HTR6: variants seen among roughly 807,000 people sequenced by gnomAD.
HTR6 encodes 5-hydroxytryptamine receptor 6.
Under a neutral mutation model 17.4 loss-of-function variants are expected in HTR6, and 15 were observed. That is an observed-to-expected ratio of 0.86 (90% CI 0.58 to 1.33). The LOEUF (loss-of-function observed/expected upper bound fraction) is 1.33, where lower values mean the gene tolerates loss of function less well. Among genes scored for constraint, HTR6 ranks in the 40% most tolerant of loss-of-function variants. The probability of loss-of-function intolerance (pLI) is 0.00; values close to 1 mark genes in which losing one functional copy is unlikely to be tolerated. For synonymous variants in HTR6, 326 were observed against 295.5 expected (o/e 1.10, Z -1.06); for missense variants, 578 against 616.0 (o/e 0.94, Z 0.65).
In HTR6 at chr1:19,666,014, G is replaced by T. The variant is rs1431728245; in HGVS notation, c.261G>T (p.Ala87=). Residue 87 remains alanine, a synonymous_variant, in exon 1 of 3, where the codon GCG becomes GCT. Coordinates refer to ENST00000289753, the MANE Select transcript of HTR6 (RefSeq NM_000871.3). This position sits in a 1 kb window ranked among gnomAD's most constrained non-coding sequence, Gnocchi z 4.5. ...TGATGCCGCCGGCCATGCTGAACGC[G>T]CTGTACGGGCGCTGGGTGCTGGCGC... ...LVVMPPAMLN[A]LYGRWVLARG... 2 of 1,613,848 alleles carry T rather than the reference G, an allele frequency of 1.2e-6. No individual in the cohort carries two copies. Among genetic ancestry groups the T allele is most frequent in the Non-Finnish European group, 1.7e-6 (2 of 1,179,904 alleles).
rs189277768 is a variant in HTR6, at chr1:19,670,897, C to T, written c.714+4430C>T. On this transcript the variant is annotated intron_variant, in intron 1 of 2. Coordinates refer to ENST00000289753, the MANE Select transcript of HTR6 (RefSeq NM_000871.3). ...GCCTGGTATTCCAGCCCTGTTTGTG[C>T]GGTTGCCTGTTTTCTCATGCCTTTC... Among the ~76,000 whole-genome samples the T allele has an allele frequency of 1.1e-4, 17 of 152,246 alleles. 2 individuals carry two copies. The highest frequency in any genetic ancestry group is 3.4e-4 in the African/African-American group (14 of 41,540).
intron 2 of HTR6, 61 bp downstream of exon 2, chr1:19,678,786 C>T (rs1472399285): frequency 6.4e-7 from 1 of 1,572,904 alleles, no homozygotes; most frequent in East Asian, 2.3e-5. Context: ...TGGATCCCAG[C>T]CCAGGCATGG....
At chr1:19,669,079 A>G (rs1185481550) in intron 1 of HTR6, among the ~76,000 whole-genome samples, 2 of 152,112 alleles carry the variant, frequency 1.3e-5, no homozygotes, top group African/African-American at 4.8e-5. Context: ...GTGTCCCTTT[A>G]CCATCTAAAA....
Position 19,666,255 on chromosome 1 carries a change from G to T in HTR6, c.502G>T (p.Glu168Ter). Reference sequence around the variant, plus strand: ...CCTGCCCCTGCTGCTGGGCTGGCACGAGCTGGGCCACGCACGGCCACCCGT... The same window carrying T: ...CCTGCCCCTGCTGCTGGGCTGGCACTAGCTGGGCCACGCACGGCCACCCGT... Reference protein sequence around the residue: ...SFLPLLLGWHELGHARPPVPG... With the variant: ...SFLPLLLGWH Residue 168 changes from glutamate to a stop codon, truncating the protein, a stop_gained, in exon 1 of 3, where the codon GAG becomes TAG. Coordinates refer to ENST00000289753, the MANE Select transcript of HTR6 (RefSeq NM_000871.3). LOFTEE classifies it high-confidence loss of function. The surrounding 1 kb of genome is among the most constrained non-coding windows in gnomAD (Gnocchi z 4.5). 1 of 1,609,486 alleles carries T rather than the reference G, an allele frequency of 6.2e-7. No individual in the cohort carries two copies. The highest frequency in any genetic ancestry group is 1.1e-5 in the South Asian group (1 of 91,008).
chr1:19,673,925 G>T (rs1303506840), intron 1 of HTR6, among the ~76,000 whole-genome samples: 1 of 148,894 alleles, frequency 6.7e-6, no homozygotes, highest in African/African-American at 2.5e-5. Flanking sequence ...GGAGTGCAGT[G>T]GTACAACCAC....
chr1:19,666,567 T>C lies in HTR6; in HGVS notation c.714+100T>C, dbSNP rs1047172717. The C allele has an allele frequency of 1.2e-6, 1 of 836,578 alleles. No individual in the cohort carries two copies. The highest frequency in any genetic ancestry group is 1.7e-5 in the African/African-American group (1 of 58,334). 51.8% of individuals were successfully genotyped at this position (836,578 alleles called of 1,614,324 possible). On this transcript the variant is annotated intron_variant, in intron 1 of 2. Transcript: ENST00000289753. The surrounding 1 kb of genome is among the most constrained non-coding windows in gnomAD (Gnocchi z 4.5). ...TCCCCACTTAGCACACATTTGCTCA[T>C]GGCCCTGCGTGGCTGTTGTGAGCGC...
At chr1:19,668,079 C>A (rs1332044523) in intron 1 of HTR6, among the ~76,000 whole-genome samples, 1 of 152,232 alleles carries the variant, frequency 6.6e-6, no homozygotes, top group Non-Finnish European at 1.5e-5. Context: ...GGGGTGGGGG[C>A]AGGGCCCCAC....
chr1:19,679,561 G>C lies in HTR6; in HGVS notation c.*193G>C, dbSNP rs977338172. 2.6e-6 allele frequency: 2 copies of C among 765,164 alleles called. No homozygotes were observed. The highest frequency in any genetic ancestry group is 4.0e-6 in the Non-Finnish European group (2 of 499,304). The allele number at this position is 765,164 out of a possible 1,614,324, so 47.4% of individuals were successfully genotyped here. ...ACCTGCAGGGATCATAGCTGACTCA[G>C]ATATCGTGTTCTGAAGGATGCTCCA... is the stretch of plus-strand genomic sequence containing the variant. On this transcript the variant is annotated 3_prime_UTR_variant, in exon 3 of 3. Coordinates refer to ENST00000289753, the MANE Select transcript of HTR6 (RefSeq NM_000871.3). This position sits in a 1 kb window ranked among gnomAD's most constrained non-coding sequence, Gnocchi z 4.9.
chr1:19,670,199 C>T (rs1171390611), intron 1 of HTR6, among the ~76,000 whole-genome samples: 1 of 151,760 alleles, frequency 6.6e-6, no homozygotes, highest in African/African-American at 2.4e-5. Context: ...GCTTGGAGTG[C>T]CCTTTCTTCA....
chr1:19,672,746 T>G (rs2095089691), intron 1 of HTR6, among the ~76,000 whole-genome samples: 2 of 152,132 alleles, frequency 1.3e-5, no homozygotes, highest in Non-Finnish European at 2.9e-5. Context: ...GCTCAACAAA[T>G]TTCAGCTAGG....
chr1:19,679,399 G>A lies in HTR6; in HGVS notation c.*31G>A. ...GCTTGGGGCTGGCCAATGGGGAGCT[G>A]GATTGAGCAGAACCCAGACCCTGAG... On this transcript the variant is annotated 3_prime_UTR_variant, in exon 3 of 3. Coordinates refer to ENST00000289753, the MANE Select transcript of HTR6 (RefSeq NM_000871.3). The surrounding 1 kb of genome is among the most constrained non-coding windows in gnomAD (Gnocchi z 4.9). The A allele has an allele frequency of 6.5e-7, 1 of 1,534,000 alleles. No individual in the cohort carries two copies. The highest frequency in any genetic ancestry group is 1.3e-5 in the South Asian group (1 of 78,998).
At chr1:19,670,707 A>AC (rs761302039) in intron 1 of HTR6, among the ~76,000 whole-genome samples, 18 of 151,466 alleles carry the variant, frequency 1.2e-4, no homozygotes, top group Non-Finnish European at 2.2e-4. Flanking sequence ...CAGGCAATCC[A>AC]CCCGCCTTGG....
intron 1 of HTR6, among the ~76,000 whole-genome samples, chr1:19,677,592 A>G (rs2095095902): frequency 6.6e-6 from 1 of 152,224 alleles, no homozygotes. Flanking sequence ...TTCTCAAAAA[A>G]GCCTTTCTAT....
intron 1 of HTR6, among the ~76,000 whole-genome samples, chr1:19,673,289 C>T (rs945301174): frequency 2.0e-5 from 3 of 152,198 alleles, no homozygotes; most frequent in Non-Finnish European, 4.4e-5. Context: ...AAAGTGGAAG[C>T]ATAGATGAAG....
rs1265152062 is a variant in HTR6, at chr1:19,680,229, G to C, written c.*861G>C. ...GTTAATTGGTACGTTCTGTTGTTAC[G>C]ACCCCCGGCTATCCAGCCCCCTGGC... On this transcript the variant is annotated 3_prime_UTR_variant, in exon 3 of 3. Coordinates refer to ENST00000289753, the MANE Select transcript of HTR6 (RefSeq NM_000871.3). Among the ~76,000 whole-genome samples the C allele has an allele frequency of 6.6e-6, 1 of 152,176 alleles. No homozygotes were observed. Among genetic ancestry groups the C allele is most frequent in the Non-Finnish European group, 1.5e-5 (1 of 68,026 alleles).
chr1:19,675,986 G>A (rs962368005), intron 1 of HTR6, among the ~76,000 whole-genome samples: 5 of 152,064 alleles, frequency 3.3e-5, no homozygotes, highest in Admixed American at 6.6e-5. Context: ...GGGTGGAGTC[G>A]GAGGAGAGCA....
In HTR6 at chr1:19,666,455, G is replaced by C. The variant is rs565763365; in HGVS notation, c.702G>C (p.Ser234=). Residue 234 remains serine, a synonymous_variant, in exon 1 of 3, where the codon TCG becomes TCC. Transcript: ENST00000289753. The surrounding 1 kb of genome is among the most constrained non-coding windows in gnomAD (Gnocchi z 4.5). ...CCACCGGCATGGCCAGTCAGGCCTC[G>C]GAGACGCTGCAGGTACCTGGGGTGC... The part of the protein sequence containing the change: ...SLTTGMASQA[S]ETLQVPRTPR... The C allele has an allele frequency of 3.1e-6, 5 of 1,607,934 alleles. No individual in the cohort carries two copies. The highest frequency in any genetic ancestry group is 4.2e-6 in the Non-Finnish European group (5 of 1,177,834).
intron 1 of HTR6, among the ~76,000 whole-genome samples, chr1:19,667,819 G>T (rs2095083467): frequency 6.6e-6 from 1 of 152,228 alleles, no homozygotes; most frequent in African/African-American, 2.4e-5. Context: ...AGGGGTGGGT[G>T]TGTAGACCGA....
At position 19,679,271 on chromosome 1, in the gene HTR6, CG is replaced by C; in HGVS notation, c.1227del (p.Leu410CysfsTer44). 6.2e-7 allele frequency: 1 copy of C among 1,603,946 alleles called. No individual in the cohort carries two copies. The highest frequency in any genetic ancestry group is 8.5e-7 in the Non-Finnish European group (1 of 1,176,964). On this transcript the variant is annotated frameshift_variant, in exon 3 of 3. Coordinates refer to ENST00000289753, the MANE Select transcript of HTR6 (RefSeq NM_000871.3). LOFTEE classifies it low-confidence loss of function (END_TRUNC). This position sits in a 1 kb window ranked among gnomAD's most constrained non-coding sequence, Gnocchi z 4.9. ...LLPGEATQDP[P>X]LPTRAAAAVN... ...CCTGGCGAGGCCACCCAGGACCCCC[CG>C]CTGCCCACCAGGGCCGCTGCCGCCG...
Sources: gnomAD v4.1 joint callset for allele counts (sites outside exome capture counted in the v4.1 genomes callset) on GRCh38, gnomAD v4.1.1 for gene constraint, Gnocchi (gnomAD v3.1) non-coding constraint, MANE v1.5 for transcripts, NCBI Gene and HGNC (gene_info 2026-07-23, HGNC 2026-07-21) for gene names.